RXFP2: variants seen among roughly 807,000 people sequenced by gnomAD.
The protein encoded by RXFP2 is relaxin receptor 2.
In RXFP2, 68 loss-of-function variants were observed where a neutral mutation model predicts 88.6. That is an observed-to-expected ratio of 0.77 (90% CI 0.63 to 0.94). The LOEUF is 0.94. Ranked by LOEUF, RXFP2 falls within the 40% of genes least tolerant of loss-of-function variation. The probability of loss-of-function intolerance (pLI) is 0.00; values close to 1 mark genes in which losing one functional copy is unlikely to be tolerated. For synonymous variants in RXFP2, 329 were observed against 306.8 expected, an observed-to-expected ratio of 1.07 and a Z score of -0.76; for missense variants, 791 against 893.9, an observed-to-expected ratio of 0.88 and a Z score of 1.47.
Position 31,774,779 on chromosome 13 carries a change from T to C in RXFP2, c.569+88T>C, listed in dbSNP as rs150451572. On this transcript the variant is annotated intron_variant, in intron 6 of 17. Coordinates refer to ENST00000298386, the MANE Select transcript of RXFP2 (RefSeq NM_130806.5). ...GTACTTTTTCAAGGCTCGACTTGATTGTAGGGAAGTGGGAGGAATAGGTTA... is the reference window on the plus strand; with the variant it reads ...GTACTTTTTCAAGGCTCGACTTGATCGTAGGGAAGTGGGAGGAATAGGTTA... The C allele has an allele frequency of 2.1e-3, 1,617 of 781,972 alleles. 17 individuals carry two copies. The African/African-American group carries it at 0.024, about 12-fold the overall frequency. 48.4% of individuals were successfully genotyped at this position (781,972 alleles called of 1,614,324 possible). A position where few individuals can be genotyped will look rare whatever the true frequency, so the allele number is the denominator to read the frequency against.
intron 4 of RXFP2, among the ~76,000 whole-genome samples, chr13:31,765,421 G>A (rs1311402492): frequency 7.4e-6 from 1 of 134,648 alleles, no homozygotes; most frequent in African/African-American, 2.7e-5. Flanking sequence ...TACTGTCCTT[G>A]TGTTGAAATG....
chr13:31,797,416 C>A lies in RXFP2; in HGVS notation c.2002C>A (p.Pro668Thr). The change falls in exon 17 of 18, where the codon CCA (proline) becomes ACA (threonine). Residue 668 changes from proline to threonine, a missense_variant. By Grantham distance (38) the Pro-to-Thr change is conservative. Transcript: ENST00000298386. ...KILSLFRVEI[P>T]DTMTSWIVIF... The stretch of plus-strand genomic sequence containing the variant: ...CCTTTCCCTCTTCCGGGTGGAAATA[C>A]CAGGTCAGTCTCTTCTATCATTCCC... 6.2e-7 allele frequency: 1 copy of A among 1,609,286 alleles called. No homozygotes were observed. The highest frequency in any genetic ancestry group is 1.1e-5 in the South Asian group (1 of 90,998).
In RXFP2 at chr13:31,786,422, C is replaced by A. The variant is rs529950955; in HGVS notation, c.969C>A (p.His323Gln). ...SSNTITELSP[H>Q]LFKDLKLLQK... ...ATACGATAACGGAACTATCACCTCA[C>A]CTTTTTAAAGACTTGAAGCTTCTAC... is the stretch of plus-strand genomic sequence containing the variant. Residue 323 changes from histidine (H) to glutamine (Q), a missense_variant, in exon 12 of 18, where the codon CAC becomes CAA. Transcript: ENST00000298386. The A allele has an allele frequency of 1.2e-6, 2 of 1,609,756 alleles. No homozygotes were observed. The highest frequency in any genetic ancestry group is 1.7e-6 in the Non-Finnish European group (2 of 1,176,108).
intron 11 of RXFP2, among the ~76,000 whole-genome samples, chr13:31,783,321 G>A (rs747037933): frequency 3.9e-5 from 6 of 152,032 alleles, no homozygotes; most frequent in East Asian, 1.9e-4. Flanking sequence ...CATTTCTCTC[G>A]CTATTAATTC....
intron 1 of RXFP2, among the ~76,000 whole-genome samples, chr13:31,757,714 A>T (rs960520507): frequency 2.6e-5 from 4 of 152,212 alleles, no homozygotes; most frequent in Non-Finnish European, 5.9e-5. Context: ...GGTTTTGTTT[A>T]TGATTACCTT....
intron 1 of RXFP2, among the ~76,000 whole-genome samples, chr13:31,752,282 C>A (rs1355484921): frequency 6.6e-6 from 1 of 152,082 alleles, no homozygotes; most frequent in Non-Finnish European, 1.5e-5. Flanking sequence ...TTTCTGCCCC[C>A]TCCCCCCCAA....
chr13:31,769,592 C>T lies in RXFP2; in HGVS notation c.497+3565C>T, dbSNP rs372516682. On this transcript the variant is annotated intron_variant, in intron 5 of 17. Transcript: ENST00000298386. Reference sequence around the variant, plus strand: ...TATACTATTATCACCGTAACATGACCGAGGCAAATAGGGAAGAACTCGCAT... The same window carrying T: ...TATACTATTATCACCGTAACATGACTGAGGCAAATAGGGAAGAACTCGCAT... Among the ~76,000 whole-genome samples, 6 of 152,200 alleles carry T rather than the reference C, an allele frequency of 3.9e-5. No homozygotes were observed. In the East Asian group the frequency reaches 1.2e-3, roughly 29 times the overall value.
At chr13:31,742,745 T>C (rs1191713537) in intron 1 of RXFP2, among the ~76,000 whole-genome samples, 2 of 152,214 alleles carry the variant, frequency 1.3e-5, no homozygotes, top group African/African-American at 2.4e-5. Flanking sequence ...TAGGTTGGTA[T>C]CGAAAAATGG....
intron 5 of RXFP2, among the ~76,000 whole-genome samples, chr13:31,771,511 C>T (rs1314865132): frequency 1.3e-5 from 2 of 152,114 alleles, no homozygotes; most frequent in Non-Finnish European, 2.9e-5. Flanking sequence ...GAAAAATTGG[C>T]CAGGCACAGT....
At chr13:31,760,461 A>G (rs1261442249) in intron 2 of RXFP2, among the ~76,000 whole-genome samples, 2 of 152,212 alleles carry the variant, frequency 1.3e-5, no homozygotes, top group African/African-American at 2.4e-5. Flanking sequence ...ACCAGAGCTT[A>G]GAGCAGTAGA....
In RXFP2 at chr13:31,761,724, G is replaced by A. The variant is rs973612451; in HGVS notation, c.242G>A (p.Gly81Asp). 1 of 1,604,388 alleles carries A rather than the reference G, an allele frequency of 6.2e-7. No homozygotes were observed. The highest frequency in any genetic ancestry group is 8.5e-7 in the Non-Finnish European group (1 of 1,171,272). Reference protein sequence around the residue: ...CGNGADEENCGDTSGWATIFG... With the variant: ...CGNGADEENCDDTSGWATIFG... ...ACACATCTCAATCACTATTTCACAG[G>A]TGACACTAGTGGATGGGCGACCATA... The change falls in exon 3 of 18, where the codon GGT becomes GAT. Residue 81 changes from glycine to aspartate, a missense_variant and splice_region_variant. Physicochemically the swap from Gly to Asp is moderately conservative, Grantham distance 94. Transcript: ENST00000298386.
rs10686799 is a variant in RXFP2 at position 31,783,983 on chromosome 13, A to ATTTTTT, written c.929+1246_929+1251dup. 6.8e-3 allele frequency among the ~76,000 whole-genome samples: 828 copies of ATTTTTT among 121,546 alleles called. 24 individuals are homozygous for ATTTTTT. The highest frequency in any genetic ancestry group is 0.024 in the African/African-American group (749 of 31,854). The allele number at this position is 121,546 out of a possible 152,430, so 79.7% of individuals were successfully genotyped here. A position where few individuals can be genotyped will look rare whatever the true frequency, so the allele number is the denominator to read the frequency against. On this transcript the variant is annotated intron_variant, in intron 11 of 17. Coordinates refer to ENST00000298386, the MANE Select transcript of RXFP2 (RefSeq NM_130806.5). ...AGGTACCTGCCACCATGCCTGGCTA[A>ATTTTTT]TTTTTTTTTTTTTTTGTATTTTTAG... is the stretch of plus-strand genomic sequence containing the variant.
intron 2 of RXFP2, among the ~76,000 whole-genome samples, chr13:31,760,524 G>A (rs1238049075): frequency 1.3e-5 from 2 of 152,266 alleles, no homozygotes; most frequent in Admixed American, 1.3e-4. Context: ...CTGTCTGGAT[G>A]CCAATGGGCA....
At chr13:31,783,343 C>A (rs1873374293) in intron 11 of RXFP2, among the ~76,000 whole-genome samples, 1 of 152,184 alleles carries the variant, frequency 6.6e-6, no homozygotes, top group South Asian at 2.1e-4. Context: ...TTGCTCCCCA[C>A]ATAATTGTGT....
intron 1 of RXFP2, among the ~76,000 whole-genome samples, chr13:31,742,834 C>CA (rs1871269983): frequency 6.6e-6 from 1 of 152,072 alleles, no homozygotes; most frequent in South Asian, 2.1e-4. Flanking sequence ...AGTTATGCAA[C>CA]AAAAAATGCA....
intron 1 of RXFP2, among the ~76,000 whole-genome samples, chr13:31,754,961 T>C (rs1871867331): frequency 6.6e-6 from 1 of 152,224 alleles, no homozygotes. Context: ...TCTTACATTG[T>C]ATGGAAATTG....
At chr13:31,757,522 T>G (rs942101020) in intron 1 of RXFP2, among the ~76,000 whole-genome samples, 1 of 152,248 alleles carries the variant, frequency 6.6e-6, no homozygotes, top group African/African-American at 2.4e-5. Context: ...GATTTCTCTC[T>G]AACTCATACT....
chr13:31,776,150 C>CTT (rs1394455818), intron 7 of RXFP2, among the ~76,000 whole-genome samples: 120 of 114,668 alleles, frequency 1.0e-3, no homozygotes, highest in African/African-American at 3.1e-3. Flanking sequence ...TTCTCTTTCT[C>CTT]TCTCTCTCTC....
At chr13:31,755,695 T>G (rs768426936) in intron 1 of RXFP2, among the ~76,000 whole-genome samples, 14 of 152,134 alleles carry the variant, frequency 9.2e-5, no homozygotes, top group Non-Finnish European at 1.9e-4. Context: ...AGTATGCCTC[T>G]CCCTGCGTGA....
Sources: gnomAD v4.1 joint callset for allele counts (sites outside exome capture counted in the v4.1 genomes callset) on GRCh38, gnomAD v4.1.1 for gene constraint, MANE v1.5 for transcripts, NCBI Gene and HGNC (gene_info 2026-07-23, HGNC 2026-07-21) for gene names.